The following STIMATE variants were observed in gnomAD, a reference collection of about 807,000 sequenced individuals.
STIMATE encodes the protein store-operated calcium entry regulator STIMATE.
In STIMATE, 15 loss-of-function variants were observed where a neutral mutation model predicts 36.7. That is an observed-to-expected ratio of 0.41 (90% CI 0.27 to 0.63). The LOEUF is 0.63. STIMATE is among the 20% of genes least tolerant of loss of function. The pLI, the probability that STIMATE is intolerant of heterozygous loss-of-function variation, is 0.32. For synonymous variants in STIMATE, 163 were observed against 162.3 expected (o/e 1.00, Z -0.03); for missense variants, 305 against 397.3 (o/e 0.77, Z 1.98).
chr3:52,888,765 G>A (rs989149771), intron 1 of STIMATE, among the ~76,000 whole-genome samples: 1 of 152,188 alleles, frequency 6.6e-6, no homozygotes, highest in African/African-American at 2.4e-5. Context: ...AGCAGAGTTG[G>A]CCCTGTATGT....
intron 1 of STIMATE, among the ~76,000 whole-genome samples, chr3:52,867,153 C>A (rs1056693365): frequency 3.9e-5 from 6 of 152,210 alleles, no homozygotes; most frequent in Non-Finnish European, 7.3e-5. Flanking sequence ...GGCTCATGAA[C>A]CTGGCAGGGC....
chr3:52,870,461 G>A (rs1393237165), intron 1 of STIMATE, among the ~76,000 whole-genome samples: 1 of 152,032 alleles, frequency 6.6e-6, no homozygotes, highest in Non-Finnish European at 1.5e-5. Context: ...GTCGGCCTCT[G>A]TCAGCCCAAA....
At chr3:52,857,643 T>A (rs1488719657) in intron 1 of STIMATE, among the ~76,000 whole-genome samples, 1 of 152,044 alleles carries the variant, frequency 6.6e-6, no homozygotes, top group African/African-American at 2.4e-5. Flanking sequence ...TCTGAGTGGT[T>A]TGGGGGAATA....
At chr3:52,859,531 ATTTTTTTTTT>A (rs563622429) in intron 1 of STIMATE, among the ~76,000 whole-genome samples, 128 of 18,820 alleles carry the variant, frequency 6.8e-3, no homozygotes, top group African/African-American at 0.015. Context: ...AAAAAAAAAA[ATTTTTTTTTT>A]TTTTTTTTTT....
intron 6 of STIMATE, among the ~76,000 whole-genome samples, chr3:52,843,455 G>A (rs899839995): frequency 6.6e-6 from 1 of 152,190 alleles, no homozygotes; most frequent in African/African-American, 2.4e-5. Flanking sequence ...ACACATGGGT[G>A]GGGCTTCTTG....
At position 52,849,879 on chromosome 3, in the gene STIMATE, C is replaced by A; in HGVS notation, c.340G>T (p.Gly114Cys). ...ACCCCCACGTAGATGAGCAGCATGC[C>A]CACAGTGGCGTCCAGGAGGAAGTTG... The part of the protein sequence containing the change: ...LINFLLDATV[G>C]MLLIYVGVRA... Residue 114 changes from glycine to cysteine, a missense_variant, in exon 4 of 8, where the codon GGC becomes TGC. Coordinates refer to ENST00000355083, the MANE Select transcript of STIMATE (RefSeq NM_198563.5). The A allele has an allele frequency of 6.2e-7, 1 of 1,613,836 alleles. No homozygotes were observed. The highest frequency in any genetic ancestry group is 8.5e-7 in the Non-Finnish European group (1 of 1,179,972).
intron 1 of STIMATE, among the ~76,000 whole-genome samples, chr3:52,879,140 C>G (rs370457390): frequency 1.7e-4 from 26 of 152,322 alleles, no homozygotes; most frequent in African/African-American, 5.3e-4. Context: ...GACCTTTGCC[C>G]TAGCTCCTCA....
intron 1 of STIMATE, among the ~76,000 whole-genome samples, chr3:52,862,471 T>C (rs945181765): frequency 2.6e-5 from 4 of 152,248 alleles, no homozygotes; most frequent in Non-Finnish European, 5.9e-5. Flanking sequence ...AGTCTAGTTA[T>C]GCTGTGTACC....
At chr3:52,856,782 CA>C (rs1218149139) in intron 1 of STIMATE, among the ~76,000 whole-genome samples, 1 of 152,184 alleles carries the variant, frequency 6.6e-6, no homozygotes, top group Non-Finnish European at 1.5e-5. Flanking sequence ...TCTTGGATAG[CA>C]AAGAACTTGC....
At chr3:52,871,400 G>A (rs1262122105) in intron 1 of STIMATE, among the ~76,000 whole-genome samples, 2 of 152,044 alleles carry the variant, frequency 1.3e-5, no homozygotes, top group African/African-American at 4.8e-5. Flanking sequence ...ATCTGTGTGG[G>A]AGCACCTGCG....
intron 4 of STIMATE, among the ~76,000 whole-genome samples, chr3:52,848,949 T>C (rs565855955): frequency 6.6e-6 from 1 of 152,354 alleles, no homozygotes; most frequent in East Asian, 1.9e-4. Context: ...TCTGGAAATA[T>C]CCAAGGTACT....
intron 1 of STIMATE, among the ~76,000 whole-genome samples, chr3:52,867,832 G>C (rs1701336575): frequency 2.0e-5 from 3 of 152,210 alleles, no homozygotes; most frequent in Admixed American, 1.3e-4. Context: ...GACTTGTCCA[G>C]AATCACCCCA....
At chr3:52,865,800 C>T (rs923527336) in intron 1 of STIMATE, among the ~76,000 whole-genome samples, 2 of 152,204 alleles carry the variant, frequency 1.3e-5, no homozygotes, top group Admixed American at 6.5e-5. Flanking sequence ...CCCTCTGTTT[C>T]CCTTCTCAGG....
intron 1 of STIMATE, among the ~76,000 whole-genome samples, chr3:52,896,557 C>CT (rs1165920208): frequency 1.3e-5 from 2 of 151,960 alleles, no homozygotes; most frequent in Admixed American, 1.3e-4. Flanking sequence ...GAAAAGGAAA[C>CT]TTAAAATATA....
chr3:52,869,553 G>C (rs752257708), intron 1 of STIMATE, among the ~76,000 whole-genome samples: 3 of 152,162 alleles, frequency 2.0e-5, no homozygotes, highest in Non-Finnish European at 4.4e-5. Flanking sequence ...CCCTTCTCCT[G>C]GGTCCCCAAA....
chr3:52,862,098 G>T (rs1575335440), intron 1 of STIMATE, among the ~76,000 whole-genome samples: 1 of 152,082 alleles, frequency 6.6e-6, no homozygotes, highest in East Asian at 1.9e-4. Flanking sequence ...GTTGTCTCCT[G>T]CCCACTCTGC....
At chr3:52,870,199 C>A (rs769878457) in intron 1 of STIMATE, among the ~76,000 whole-genome samples, 4 of 152,154 alleles carry the variant, frequency 2.6e-5, no homozygotes, top group Non-Finnish European at 4.4e-5. Context: ...CTCAGGTGAT[C>A]CACCTGCCTT....
Position 52,874,894 on chromosome 3 carries a change from A to C in STIMATE, c.161-19450T>G, listed in dbSNP as rs965542969. Among the ~76,000 whole-genome samples the C allele has an allele frequency of 1.2e-4, 18 of 152,298 alleles. 1 individual carries two copies. Among genetic ancestry groups the C allele is most frequent in the African/African-American group, 3.6e-4 (15 of 41,556 alleles). ...AAGGTCTCTGCTGCTAAAAACAATA[A>C]ATTAAAAATGACTAAATTACAATTT... is the stretch of plus-strand genomic sequence containing the variant. On this transcript the variant is annotated intron_variant, in intron 1 of 7. Transcript: ENST00000355083.
chr3:52,864,358 T>C (rs553925503), intron 1 of STIMATE, among the ~76,000 whole-genome samples: 1 of 152,208 alleles, frequency 6.6e-6, no homozygotes, highest in Admixed American at 6.5e-5. Flanking sequence ...GAGCTCTACA[T>C]TGACCCCTTT....
Sources: gnomAD v4.1 joint callset for allele counts (sites outside exome capture counted in the v4.1 genomes callset) on GRCh38, gnomAD v4.1.1 for gene constraint, MANE v1.5 for transcripts, NCBI Gene and HGNC (gene_info 2026-07-23, HGNC 2026-07-21) for gene names.